PEBP4: variants seen among roughly 807,000 people sequenced by gnomAD.
The protein encoded by PEBP4 is phosphatidylethanolamine binding protein 4.
PEBP4 carries 22 observed loss-of-function variants against 23.9 expected under a neutral mutation model. The observed-to-expected ratio is 0.92, with a 90% CI of 0.66 to 1.31. The LOEUF is 1.31. Among genes scored for constraint, PEBP4 ranks in the 40% most tolerant of loss-of-function variants. The probability of loss-of-function intolerance (pLI) is 0.00; values close to 1 mark genes in which losing one functional copy is unlikely to be tolerated. For missense variants in PEBP4, 324 were observed against 281.7 expected (o/e 1.15, Z -1.07); for synonymous variants, 112 against 99.3 (o/e 1.13, Z -0.76).
chr8:22,883,594 C>A (rs763527429), intron 3 of PEBP4, among the ~76,000 whole-genome samples: 1 of 152,160 alleles, frequency 6.6e-6, no homozygotes, highest in African/African-American at 2.4e-5. Context: ...ACTCTGCCAA[C>A]CTGCTAATGA....
intron 4 of PEBP4, among the ~76,000 whole-genome samples, chr8:22,803,322 T>C (rs1806428163): frequency 6.6e-6 from 1 of 152,146 alleles, no homozygotes; most frequent in Admixed American, 6.6e-5. Context: ...GCCACCTGTC[T>C]TGGCCTCTCC....
chr8:22,873,053 T>A (rs1336239134), intron 3 of PEBP4, among the ~76,000 whole-genome samples: 1 of 152,144 alleles, frequency 6.6e-6, no homozygotes, highest in African/African-American at 2.4e-5. Flanking sequence ...AAGATTCTTA[T>A]AGGCAAAATT....
rs143920281 is a variant in PEBP4, at chr8:22,910,554, GAAC to G, written c.258+9627_258+9629del. On this transcript the variant is annotated intron_variant, in intron 3 of 6. Coordinates refer to ENST00000256404, the MANE Select transcript of PEBP4 (RefSeq NM_144962.3). ...TCCTTGCTAGAAACACCCAGTGAAG[GAAC>G]AACAATTCTCAGAAGAGAAGCTTAG... 9.5e-3 allele frequency among the ~76,000 whole-genome samples: 1,453 copies of G among 152,322 alleles called. 6 individuals are homozygous for G. The highest frequency in any genetic ancestry group is 0.017 in the Middle Eastern group (5 of 292).
At chr8:22,768,729 G>A (rs1253819725) in intron 4 of PEBP4, among the ~76,000 whole-genome samples, 1 of 152,130 alleles carries the variant, frequency 6.6e-6, no homozygotes, top group African/African-American at 2.4e-5. Flanking sequence ...GGGCAGGATG[G>A]GGAGAGGAGT....
intron 4 of PEBP4, chr8:22,757,770 C>G (rs1439134333): frequency 6.6e-6 from 1 of 152,240 alleles, no homozygotes; most frequent in African/African-American, 2.4e-5. Context: ...GTGCTGAAAA[C>G]AGAAATCCGA....
chr8:22,796,975 G>T (rs755636247), intron 4 of PEBP4, among the ~76,000 whole-genome samples: 8 of 151,492 alleles, frequency 5.3e-5, no homozygotes, highest in Non-Finnish European at 1.2e-4. Flanking sequence ...AAACAAATTG[G>T]CTGGGCACGG....
intron 3 of PEBP4, among the ~76,000 whole-genome samples, chr8:22,909,484 A>C (rs1245457006): frequency 3.3e-5 from 5 of 152,170 alleles, no homozygotes; most frequent in Admixed American, 3.3e-4. Context: ...ATCACTTGAT[A>C]CTGCCAGGCC....
chr8:22,864,190 T>C (rs1312856206), intron 3 of PEBP4, among the ~76,000 whole-genome samples: 1 of 152,224 alleles, frequency 6.6e-6, no homozygotes, highest in Non-Finnish European at 1.5e-5. Flanking sequence ...CCAATCTCAA[T>C]TATAGTCTCA....
rs141026805 is a variant in PEBP4 at position 22,790,537 on chromosome 8, A to G, written c.357+27100T>C. 2.7e-3 allele frequency among the ~76,000 whole-genome samples: 416 copies of G among 152,312 alleles called. 1 individual carries two copies. The highest frequency in any genetic ancestry group is 9.1e-3 in the African/African-American group (378 of 41,566). On this transcript the variant is annotated intron_variant, in intron 4 of 6. Coordinates refer to ENST00000256404, the MANE Select transcript of PEBP4 (RefSeq NM_144962.3). ...CATGGCAACAGCTTAGCAGGGGCAG[A>G]AAACACCAGGGATATCTCGGCCTTG... is the stretch of plus-strand genomic sequence containing the variant.
At chr8:22,908,893 G>A (rs1347954692) in intron 3 of PEBP4, among the ~76,000 whole-genome samples, 1 of 152,216 alleles carries the variant, frequency 6.6e-6, no homozygotes, top group Non-Finnish European at 1.5e-5. Context: ...GCTTGACCCT[G>A]GAAGGCACTT....
chr8:22,892,222 A>C (rs755570353), intron 3 of PEBP4, among the ~76,000 whole-genome samples: 2 of 152,210 alleles, frequency 1.3e-5, no homozygotes, highest in Non-Finnish European at 2.9e-5. Flanking sequence ...ATCTTTTCTA[A>C]ATTATTTTTA....
chr8:22,935,287 G>A (rs544465159), intron 1 of PEBP4, among the ~76,000 whole-genome samples: 18 of 152,058 alleles, frequency 1.2e-4, no homozygotes, highest in African/African-American at 4.1e-4. Context: ...TTGGGAAGCC[G>A]AGGTGGGTGG....
At chr8:22,818,322 A>C (rs1355144871) in intron 3 of PEBP4, among the ~76,000 whole-genome samples, 1 of 152,224 alleles carries the variant, frequency 6.6e-6, no homozygotes, top group Non-Finnish European at 1.5e-5. Flanking sequence ...AGATAATAAA[A>C]ATAAATAAAT....
intron 6 of PEBP4, among the ~76,000 whole-genome samples, chr8:22,717,589 G>T (rs1387421716): frequency 2.0e-5 from 3 of 152,228 alleles, no homozygotes; most frequent in Non-Finnish European, 4.4e-5. Context: ...GGAGTGGGTT[G>T]CTGAGACCTT....
chr8:22,928,232 C>T (rs188844481), upstream of PEBP4, among the ~76,000 whole-genome samples: 1,110 of 152,332 alleles, frequency 7.3e-3, 16 homozygotes, highest in African/African-American at 0.025. Flanking sequence ...ATTCTTCCAC[C>T]ACCTGTCTCC....
chr8:22,724,771 G>A (rs1011241590), intron 6 of PEBP4, 72 bp downstream of exon 6: 16 of 1,220,238 alleles, frequency 1.3e-5, no homozygotes, highest in South Asian at 8.8e-5. Flanking sequence ...CAATTTCCCC[G>A]TAAATGCCTG....
chr8:22,795,163 ATT>A (rs33911395), intron 4 of PEBP4, among the ~76,000 whole-genome samples: 524 of 47,308 alleles, frequency 0.011, 16 homozygotes, highest in African/African-American at 0.051. Flanking sequence ...ATATATATAT[ATT>A]TTTTTTTTTT....
At chr8:22,720,882 C>A (rs1804503415) in intron 6 of PEBP4, among the ~76,000 whole-genome samples, 1 of 152,224 alleles carries the variant, frequency 6.6e-6, no homozygotes, top group Non-Finnish European at 1.5e-5. Context: ...TGACTTCTTA[C>A]AGCACCCAAA....
intron 3 of PEBP4, among the ~76,000 whole-genome samples, chr8:22,903,425 G>C (rs1176777726): frequency 6.6e-6 from 1 of 152,192 alleles, no homozygotes; most frequent in Non-Finnish European, 1.5e-5. Context: ...AAATAATTGG[G>C]CAAAGGCAGG....
Sources: allele counts gnomAD v4.1 joint callset (sites outside exome capture counted in the v4.1 genomes callset), GRCh38; gene constraint gnomAD v4.1.1; transcripts MANE v1.5; gene names NCBI Gene and HGNC (gene_info 2026-07-23, HGNC 2026-07-21).